Variants in ADD2 observed in about 807,000 individuals in gnomAD.
The protein encoded by ADD2 is beta-adducin.
ADD2 carries 23 observed loss-of-function variants against 83.0 expected under a neutral mutation model. The ratio of observed to expected loss-of-function variants is 0.28; its 90% confidence interval spans 0.20 to 0.39. The LOEUF is 0.39. ADD2 is among the 10% of genes least tolerant of loss of function. The pLI is 1.00. For missense variants in ADD2, 758 were observed against 944.9 expected (o/e 0.80, Z 2.59); for synonymous variants, 375 against 375.4 (o/e 1.00, Z 0.01).
At chr2:70,726,166 G>A (rs1367113992) in intron 1 of ADD2, among the ~76,000 whole-genome samples, 4 of 112,304 alleles carry the variant, frequency 3.6e-5, no homozygotes, top group African/African-American at 1.1e-4. Flanking sequence ...CAGCCTGGGC[G>A]ACAGAGCGAG....
chr2:70,696,818 C>T (rs542231710), intron 4 of ADD2, among the ~76,000 whole-genome samples: 3 of 152,152 alleles, frequency 2.0e-5, no homozygotes, highest in African/African-American at 4.8e-5. Flanking sequence ...ATTGTTTTAA[C>T]GACACCATGT....
At chr2:70,673,682 C>T (rs56116966) in intron 14 of ADD2, among the ~76,000 whole-genome samples, 22,474 of 152,078 alleles carry the variant, frequency 0.15, 1,848 homozygotes, top group African/African-American at 0.23. Context: ...CTGTAACCTC[C>T]GCCTTCTGGG....
chr2:70,749,833 G>A (rs1674416536), intron 1 of ADD2, among the ~76,000 whole-genome samples: 1 of 152,206 alleles, frequency 6.6e-6, no homozygotes, highest in Admixed American at 6.5e-5. Context: ...GTACCATAAG[G>A]AGTCGCTGCA....
chr2:70,725,723 G>A (rs1388315286), intron 1 of ADD2, among the ~76,000 whole-genome samples: 5 of 152,038 alleles, frequency 3.3e-5, no homozygotes, highest in East Asian at 1.9e-4. Flanking sequence ...CAGCCCTACC[G>A]ACACCATGAG....
chr2:70,718,082 G>A (rs1202713472), intron 1 of ADD2, among the ~76,000 whole-genome samples: 2 of 152,182 alleles, frequency 1.3e-5, no homozygotes, highest in Admixed American at 6.5e-5. Flanking sequence ...CATCCCTGGT[G>A]CAAACATTCC....
intron 9 of ADD2, 113 bp downstream of exon 9, chr2:70,687,911 G>C (rs1352562740): frequency 2.8e-6 from 2 of 724,480 alleles, no homozygotes; most frequent in Non-Finnish European, 4.7e-6. Flanking sequence ...AAGGCTTTTA[G>C]ATGGCTGGGA....
chr2:70,677,709 AC>A (rs782096302), intron 12 of ADD2, 48 bp downstream of exon 12: 3 of 1,598,340 alleles, frequency 1.9e-6, no homozygotes, highest in African/African-American at 1.3e-5. Flanking sequence ...GGGACCTGAG[AC>A]CCCCCAGTGT....
intron 1 of ADD2, among the ~76,000 whole-genome samples, chr2:70,740,831 C>T: frequency 6.6e-6 from 1 of 152,202 alleles, no homozygotes; most frequent in East Asian, 1.9e-4. Flanking sequence ...TCCCGAGTAG[C>T]TGAGCGTACA....
chr2:70,704,263 T>TCCCCCCCCCCACCCC, intron 4 of ADD2, 58 bp downstream of exon 4: 1 of 913,238 alleles, frequency 1.1e-6, no homozygotes, highest in Non-Finnish European at 1.7e-6. Context: ...CTCCCTCTCT[T>TCCCCCCCCCCACCCC]CCCCACCCCA....
intron 1 of ADD2, chr2:70,767,466 A>T (rs1250148008): frequency 8.1e-6 from 2 of 246,516 alleles, no homozygotes; most frequent in African/African-American, 4.9e-5. Flanking sequence ...CCCGCCTCGC[A>T]CCGCTACCCC....
rs1670148924 is a variant in ADD2 at position 70,676,506 on chromosome 2, G to C, written c.1593+290C>G. ...CTTCACGGGGTAGTAAGGGAGGACA[G>C]AGTGGAGTTCCATGGCAGGAGGTAC... On this transcript the variant is annotated intron_variant, in intron 13 of 15. Transcript: ENST00000264436. This position sits in a 1 kb window ranked among gnomAD's most constrained non-coding sequence, Gnocchi z 4.8. 4.4e-6 allele frequency: 6 copies of C among 1,371,704 alleles called. No homozygotes were observed. Among genetic ancestry groups the C allele is most frequent in the Non-Finnish European group, 5.7e-6 (6 of 1,059,404 alleles). The allele number at this position is 1,371,704 out of a possible 1,614,324, so 85.0% of individuals were successfully genotyped here.
At chr2:70,687,680 C>G (rs149193696) in intron 9 of ADD2, among the ~76,000 whole-genome samples, 27 of 152,278 alleles carry the variant, frequency 1.8e-4, no homozygotes, top group African/African-American at 6.0e-4. Context: ...GTATACCCCA[C>G]GTAACATATG....
chr2:70,744,968 C>A (rs984902197), intron 1 of ADD2, among the ~76,000 whole-genome samples: 1 of 152,086 alleles, frequency 6.6e-6, no homozygotes, highest in Non-Finnish European at 1.5e-5. Flanking sequence ...AGCATTGGAT[C>A]AGTTAATGGA....
At chr2:70,713,470 G>A (rs1197730224) in intron 1 of ADD2, among the ~76,000 whole-genome samples, 3 of 152,156 alleles carry the variant, frequency 2.0e-5, no homozygotes. Flanking sequence ...AATTAGCTGG[G>A]CGTGGTGGTG....
chr2:70,720,637 T>C (rs374453305), intron 1 of ADD2, among the ~76,000 whole-genome samples: 2 of 152,224 alleles, frequency 1.3e-5, no homozygotes, highest in African/African-American at 2.4e-5. Context: ...ATTTCACTTA[T>C]TGGATTACGG....
intron 1 of ADD2, among the ~76,000 whole-genome samples, chr2:70,744,999 G>A (rs1674105610): frequency 6.6e-6 from 1 of 152,178 alleles, no homozygotes; most frequent in South Asian, 2.1e-4. Flanking sequence ...AGATTTCAAG[G>A]TGAACGGCCG....
At position 70,694,967 on chromosome 2, in the gene ADD2, G is replaced by A. The variant is rs1369550814; in HGVS notation, c.555+754C>T. Among the ~76,000 whole-genome samples, 3 of 152,092 alleles carry A rather than the reference G, an allele frequency of 2.0e-5. No homozygotes were observed. The East Asian group carries it at 5.8e-4, about 30-fold the overall frequency. ...CATCTCCTTGGGTAGCCTTGTGCAA[G>A]CTGCTTACCCTCCCTGGGCACCAGT... On this transcript the variant is annotated intron_variant, in intron 6 of 15. Transcript: ENST00000264436.
At chr2:70,702,348 G>T (rs1476474623) in intron 4 of ADD2, among the ~76,000 whole-genome samples, 5 of 152,028 alleles carry the variant, frequency 3.3e-5, no homozygotes, top group Non-Finnish European at 7.4e-5. Flanking sequence ...TATATTTTTA[G>T]TAGAGACAGG....
chr2:70,687,837 C>CAA (rs1553370781), intron 9 of ADD2, among the ~76,000 whole-genome samples, 187 bp downstream of exon 9: 1 of 152,182 alleles, frequency 6.6e-6, no homozygotes, highest in African/African-American at 2.4e-5. Context: ...TTCAAAGCCA[C>CAA]AGAACTAATC....
Sources: gnomAD v4.1 joint callset for allele counts (sites outside exome capture counted in the v4.1 genomes callset) on GRCh38, gnomAD v4.1.1 for gene constraint, Gnocchi (gnomAD v3.1) non-coding constraint, MANE v1.5 for transcripts, NCBI Gene and HGNC (gene_info 2026-07-23, HGNC 2026-07-21) for gene names.